The following TFDP1 variants were observed in gnomAD, a reference collection of about 807,000 sequenced individuals.
TFDP1 encodes transcription factor Dp-1, also known as DRTF1-polypeptide 1.
In TFDP1, 6 loss-of-function variants were observed where a neutral mutation model predicts 48.0. The observed-to-expected ratio is 0.13, with a 90% CI of 0.07 to 0.25. TFDP1 has a LOEUF of 0.25. Ranked by LOEUF, TFDP1 falls within the 10% of genes least tolerant of loss-of-function variation. The pLI is 1.00. For synonymous variants in TFDP1, 201 were observed against 211.6 expected (o/e 0.95, Z 0.44); for missense variants, 335 against 543.0 (o/e 0.62, Z 3.81).
rs565019138 is a variant in TFDP1, at chr13:113,635,884, C to T, written c.688-93C>T. ...TGTCCAGGCCAACTCCTCGCTGTCACGTGGACGCAGGGAGGGCTGTGAGGA... is the reference window on the plus strand; with the variant it reads ...TGTCCAGGCCAACTCCTCGCTGTCATGTGGACGCAGGGAGGGCTGTGAGGA... On this transcript the variant is annotated intron_variant, in intron 8 of 11. Transcript: ENST00000375370. 12 of 1,434,084 alleles carry T rather than the reference C, an allele frequency of 8.4e-6. No homozygotes were observed. The Admixed American group carries it at 1.3e-4, about 15-fold the overall frequency. 88.8% of individuals were successfully genotyped at this position (1,434,084 alleles called of 1,614,324 possible).
chr13:113,638,535 C>T (rs1166319356), intron 11 of TFDP1, among the ~76,000 whole-genome samples: 4 of 152,102 alleles, frequency 2.6e-5, no homozygotes, highest in Non-Finnish European at 5.9e-5. Context: ...TTTCAGAACG[C>T]GTCTGCAATC....
At chr13:113,628,970 T>C (rs968604435) in intron 4 of TFDP1, among the ~76,000 whole-genome samples, 4 of 152,184 alleles carry the variant, frequency 2.6e-5, no homozygotes, top group African/African-American at 4.8e-5. Flanking sequence ...TTCACCGGCT[T>C]CCTGTGCACC....
chr13:113,637,847 T>G lies in TFDP1; in HGVS notation c.1036T>G (p.Phe346Val), dbSNP rs749850777. Residue 346 changes from phenylalanine to valine, a missense_variant, in exon 11 of 12, where the codon TTC (phenylalanine) becomes GTC (valine). Transcript: ENST00000375370. Reference protein sequence around the residue: ...EMAQGTVGGVFITTAGSTSNG... With the variant: ...EMAQGTVGGVVITTAGSTSNG... ...GGCTCAGGGAACTGTTGGAGGCGTG[T>G]TCATCACGACGGCAGGTTCCACGTC... is the stretch of plus-strand genomic sequence containing the variant. 3.1e-6 allele frequency: 5 copies of G among 1,614,232 alleles called. No homozygotes were observed. The South Asian group carries it at 4.4e-5, about 14-fold the overall frequency.
intron 3 of TFDP1, among the ~76,000 whole-genome samples, chr13:113,616,910 T>G (rs2140440289): frequency 6.6e-6 from 1 of 152,338 alleles, no homozygotes; most frequent in South Asian, 2.1e-4. Context: ...TTTCTCTGTT[T>G]TTAACCCGAA....
intron 4 of TFDP1, 51 bp from the exon 5 acceptor site, chr13:113,631,572 C>G (rs2049337851): frequency 1.3e-6 from 2 of 1,579,702 alleles, no homozygotes; most frequent in Non-Finnish European, 8.6e-7. Flanking sequence ...GCATGGCACC[C>G]TCGCCGTGTG....
chr13:113,590,570 T>C (rs1180365692), intron 2 of TFDP1, among the ~76,000 whole-genome samples: 3 of 152,154 alleles, frequency 2.0e-5, no homozygotes, highest in African/African-American at 7.2e-5. Flanking sequence ...GTTAAGAAGG[T>C]TGTCAGTTTA....
At position 113,640,294 on chromosome 13, in the gene TFDP1, C is replaced by T. The variant is rs1409548411; in HGVS notation, c.*27C>T. ...GTCCTCCCCACTTCAGATTCGGCTT[C>T]AGGAAAACGTTTAGCGAAAAGAAAC... On this transcript the variant is annotated 3_prime_UTR_variant, in exon 12 of 12. Transcript: ENST00000375370. The T allele has an allele frequency of 1.2e-6, 2 of 1,600,342 alleles. No homozygotes were observed. Among genetic ancestry groups the T allele is most frequent in the Non-Finnish European group, 1.7e-6 (2 of 1,174,480 alleles).
At chr13:113,639,207 A>G (rs1260098757) in intron 11 of TFDP1, among the ~76,000 whole-genome samples, 1 of 152,200 alleles carries the variant, frequency 6.6e-6, no homozygotes, top group Non-Finnish European at 1.5e-5. Flanking sequence ...TCAGTCTGTA[A>G]ACATGTTTAA....
In TFDP1 at chr13:113,595,091, C is replaced by A. The variant is rs142821277; in HGVS notation, c.12+9242C>A. On this transcript the variant is annotated intron_variant, in intron 2 of 11. Coordinates refer to ENST00000375370, the MANE Select transcript of TFDP1 (RefSeq NM_007111.5). Reference sequence around the variant, plus strand: ...CAGTTATTTTTTTCTACCATGTTTTCAGCAGCTGTATGTTTTTGGTACGTT... The same window carrying A: ...CAGTTATTTTTTTCTACCATGTTTTAAGCAGCTGTATGTTTTTGGTACGTT... 3.6e-3 allele frequency among the ~76,000 whole-genome samples: 544 copies of A among 152,228 alleles called. 3 individuals are homozygous for A. The highest frequency in any genetic ancestry group is 0.013 in the African/African-American group (521 of 41,532).
At chr13:113,625,273 G>C (rs1474727101) in intron 4 of TFDP1, among the ~76,000 whole-genome samples, 1 of 126,636 alleles carries the variant, frequency 7.9e-6, no homozygotes, top group African/African-American at 3.6e-5. Context: ...CATGTCCTCA[G>C]GTGTCTCTCA....
Position 113,640,282 on chromosome 13 carries a change from C to A in TFDP1, c.*15C>A, listed in dbSNP as rs1566682815. The A allele has an allele frequency of 6.2e-7, 1 of 1,605,904 alleles. No individual in the cohort carries two copies. Among genetic ancestry groups the A allele is most frequent in the Non-Finnish European group, 8.5e-7 (1 of 1,177,272 alleles). ...AGGACGACTGACGTCCTCCCCACTT[C>A]AGATTCGGCTTCAGGAAAACGTTTA... On this transcript the variant is annotated 3_prime_UTR_variant, in exon 12 of 12. Transcript: ENST00000375370.
intron 3 of TFDP1, among the ~76,000 whole-genome samples, chr13:113,612,311 G>A (rs1046574378): frequency 1.3e-5 from 2 of 152,238 alleles, no homozygotes; most frequent in Non-Finnish European, 1.5e-5. Context: ...CCAGCCTGCA[G>A]CCTCCCCAGC....
At chr13:113,614,694 C>T (rs370624152) in intron 3 of TFDP1, among the ~76,000 whole-genome samples, 5 of 152,206 alleles carry the variant, frequency 3.3e-5, no homozygotes, top group African/African-American at 1.2e-4. Context: ...CCTGCTGCTG[C>T]TGTGGGGGGC....
intron 11 of TFDP1, 134 bp downstream of exon 11, chr13:113,638,030 G>T: frequency 8.4e-7 from 1 of 1,191,906 alleles, no homozygotes; most frequent in East Asian, 2.5e-5. Context: ...TGTCCAGGCA[G>T]TGGGGCCCCG....
intron 2 of TFDP1, among the ~76,000 whole-genome samples, chr13:113,593,320 A>G (rs9577577): frequency 0.53 from 61,205 of 116,282 alleles, 16,232 homozygotes; most frequent in African/African-American, 0.78. Flanking sequence ...TGGTGTGCGC[A>G]GGTCCTCAGC....
At chr13:113,635,877 G>A (rs540562373) in intron 8 of TFDP1, 100 bp from the exon 9 acceptor site, 25 of 1,381,904 alleles carry the variant, frequency 1.8e-5, no homozygotes, top group African/African-American at 4.3e-5. Context: ...CCAACTCCTC[G>A]CTGTCACGTG....
intron 2 of TFDP1, among the ~76,000 whole-genome samples, chr13:113,602,452 GC>G (rs2048461022): frequency 6.6e-6 from 1 of 151,016 alleles, no homozygotes; most frequent in East Asian, 1.9e-4. Flanking sequence ...AGCAGGCGGG[GC>G]CCATCCCAGC....
intron 2 of TFDP1, chr13:113,586,107 C>T (rs2047997381): frequency 2.6e-6 from 1 of 388,374 alleles, no homozygotes; most frequent in Non-Finnish European, 4.6e-6. Flanking sequence ...TGACTTTTTC[C>T]TTATCTTTAC....
intron 2 of TFDP1, among the ~76,000 whole-genome samples, chr13:113,588,502 G>T (rs543927750): frequency 1.3e-5 from 2 of 152,364 alleles, no homozygotes; most frequent in African/African-American, 4.8e-5. Flanking sequence ...TGAGTGAGGG[G>T]CAGAAAGAAG....
Sources: allele counts gnomAD v4.1 joint callset (sites outside exome capture counted in the v4.1 genomes callset), GRCh38; gene constraint gnomAD v4.1.1; transcripts MANE v1.5; gene names NCBI Gene and HGNC (gene_info 2026-07-23, HGNC 2026-07-21).